ACOXL: variants seen among roughly 807,000 people sequenced by gnomAD.
ACOXL encodes the protein acyl-CoA oxidase like.
Under a neutral mutation model 71.9 loss-of-function variants are expected in ACOXL, and 70 were observed. The ratio of observed to expected loss-of-function variants is 0.97; its 90% CI spans 0.80 to 1.19. ACOXL has a LOEUF of 1.19. Ranked by LOEUF, ACOXL falls within the 50% of genes most tolerant of loss-of-function variation. The probability of loss-of-function intolerance (pLI) is 0.00; values close to 1 mark genes in which losing one functional copy is unlikely to be tolerated. For synonymous variants in ACOXL, 253 were observed against 281.6 expected, an observed-to-expected ratio of 0.90 and a Z score of 1.02; for missense variants, 703 against 736.3, an observed-to-expected ratio of 0.95 and a Z score of 0.52.
chr2:111,024,236 A>G (rs2064911896), intron 14 of ACOXL, among the ~76,000 whole-genome samples: 2 of 152,156 alleles, frequency 1.3e-5, no homozygotes, highest in South Asian at 2.1e-4. Flanking sequence ...CTTGAAAAAG[A>G]TATGTTCAAG....
intron 7 of ACOXL, 105 bp downstream of exon 7, chr2:110,799,205 G>C (rs1685645216): frequency 8.9e-7 from 1 of 1,125,020 alleles, no homozygotes; most frequent in Non-Finnish European, 1.3e-6. Flanking sequence ...ACTGAGGGTG[G>C]AGAAAACTTC....
intron 12 of ACOXL, among the ~76,000 whole-genome samples, chr2:110,953,663 G>T (rs2061402895): frequency 6.6e-6 from 1 of 152,154 alleles, no homozygotes; most frequent in East Asian, 1.9e-4. Flanking sequence ...CTGCTATAAA[G>T]AACTACCTGA....
At chr2:110,857,224 C>T (rs1693367778) in intron 10 of ACOXL, among the ~76,000 whole-genome samples, 1 of 152,172 alleles carries the variant, frequency 6.6e-6, no homozygotes, top group African/African-American at 2.4e-5. Context: ...TGCTGAGGTT[C>T]TTGCTCTCAC....
chr2:111,093,733 A>G (rs376071653), intron 17 of ACOXL: 8 of 491,688 alleles, frequency 1.6e-5, no homozygotes, highest in Non-Finnish European at 2.2e-5. Context: ...GCGTGGTGGC[A>G]TGTGGCTGTA....
intron 14 of ACOXL, among the ~76,000 whole-genome samples, chr2:111,031,103 T>C (rs2065243616): frequency 6.6e-6 from 1 of 152,238 alleles, no homozygotes; most frequent in Non-Finnish European, 1.5e-5. Context: ...CCCATCACTC[T>C]GGATCCTATC....
chr2:110,920,064 TTGAC>T (rs765877884), intron 11 of ACOXL, among the ~76,000 whole-genome samples: 2 of 152,204 alleles, frequency 1.3e-5, no homozygotes, highest in Non-Finnish European at 2.9e-5. Flanking sequence ...AAGGTTTTGA[TTGAC>T]TAGGGCAAAT....
intron 12 of ACOXL, among the ~76,000 whole-genome samples, chr2:110,986,373 A>G (rs901422479): frequency 1.3e-5 from 2 of 152,188 alleles, no homozygotes; most frequent in African/African-American, 4.8e-5. Context: ...TGAGACAACA[A>G]TTTGTTAGCT....
chr2:111,044,074 C>T (rs1181448859), intron 15 of ACOXL, among the ~76,000 whole-genome samples: 1 of 152,210 alleles, frequency 6.6e-6, no homozygotes, highest in African/African-American at 2.4e-5. Flanking sequence ...ACAAATGTAG[C>T]TTTGTTCATC....
chr2:110,765,288 C>A (rs776755022), intron 1 of ACOXL, among the ~76,000 whole-genome samples: 1 of 152,166 alleles, frequency 6.6e-6, no homozygotes, highest in Non-Finnish European at 1.5e-5. Context: ...CAATTATTTG[C>A]TCAGCTTACT....
intron 12 of ACOXL, among the ~76,000 whole-genome samples, chr2:110,966,287 T>C (rs1031293253): frequency 6.6e-6 from 1 of 152,146 alleles, no homozygotes; most frequent in Non-Finnish European, 1.5e-5. Flanking sequence ...CAAGAACCAA[T>C]GAAGTGGCTT....
intron 10 of ACOXL, among the ~76,000 whole-genome samples, chr2:110,850,791 A>G (rs975073535): frequency 1.3e-5 from 2 of 152,230 alleles, no homozygotes. Flanking sequence ...TACCTTTACC[A>G]TAGACCCAGA....
At chr2:110,877,097 T>G (rs1696015374) in intron 10 of ACOXL, among the ~76,000 whole-genome samples, 1 of 152,208 alleles carries the variant, frequency 6.6e-6, no homozygotes, top group Admixed American at 6.5e-5. Flanking sequence ...AGGTGACAGC[T>G]GAATGAAAGC....
chr2:110,924,474 A>G (rs963786741), intron 11 of ACOXL, among the ~76,000 whole-genome samples: 3 of 152,206 alleles, frequency 2.0e-5, no homozygotes, highest in Admixed American at 2.0e-4. Flanking sequence ...AGTTTACATG[A>G]TATTTTAAAT....
chr2:110,901,940 T>A (rs2149205470), intron 10 of ACOXL, among the ~76,000 whole-genome samples: 1 of 151,966 alleles, frequency 6.6e-6, no homozygotes, highest in East Asian at 1.9e-4. Context: ...GGGAGGAGAA[T>A]TGCTTGAACC....
Position 110,890,172 on chromosome 2 carries a change from A to T in ACOXL, c.789-18617A>T, listed in dbSNP as rs557111200. ...TTTGTTATTGATCTTTTTATTAGTGAGTTGGATGAGTTCTTTATATATTCC... is the reference window on the plus strand; with the variant it reads ...TTTGTTATTGATCTTTTTATTAGTGTGTTGGATGAGTTCTTTATATATTCC... On this transcript the variant is annotated intron_variant, in intron 10 of 17. Transcript: ENST00000439055. Among the ~76,000 whole-genome samples the T allele has an allele frequency of 6.6e-5, 10 of 152,194 alleles. No individual in the cohort carries two copies. The South Asian group carries it at 2.1e-3, about 32-fold the overall frequency.
intron 10 of ACOXL, among the ~76,000 whole-genome samples, chr2:110,900,106 C>T (rs1358030849): frequency 1.2e-5 from 1 of 80,396 alleles, no homozygotes; most frequent in African/African-American, 3.1e-5. Flanking sequence ...CACACACACA[C>T]ACACACACAC....
chr2:110,921,744 G>C (rs1332304420), intron 11 of ACOXL, among the ~76,000 whole-genome samples: 3 of 152,100 alleles, frequency 2.0e-5, no homozygotes, highest in African/African-American at 7.2e-5. Context: ...TTGAGACATT[G>C]CTTCTTGCCT....
chr2:110,892,362 G>T (rs1376152432), intron 10 of ACOXL, among the ~76,000 whole-genome samples: 1 of 152,176 alleles, frequency 6.6e-6, no homozygotes, highest in Non-Finnish European at 1.5e-5. Context: ...ATCTGTGGCT[G>T]AGGGGTAGCA....
intron 10 of ACOXL, among the ~76,000 whole-genome samples, chr2:110,842,166 G>A (rs1049177358): frequency 6.6e-6 from 1 of 152,128 alleles, no homozygotes; most frequent in Non-Finnish European, 1.5e-5. Context: ...CATAACAAGT[G>A]TATACATGGT....
Sources: allele counts gnomAD v4.1 joint callset (sites outside exome capture counted in the v4.1 genomes callset), GRCh38; gene constraint gnomAD v4.1.1; transcripts MANE v1.5; gene names NCBI Gene and HGNC (gene_info 2026-07-23, HGNC 2026-07-21).